SLC35F3: variants seen among roughly 807,000 people sequenced by gnomAD.
SLC35F3 encodes the protein solute carrier family 35 member F3.
In SLC35F3, 25 loss-of-function variants were observed where a neutral mutation model predicts 49.9. That is an observed-to-expected ratio of 0.50 (90% confidence interval 0.37 to 0.70). SLC35F3 has a LOEUF of 0.70. Ranked by LOEUF, SLC35F3 falls within the 30% of genes least tolerant of loss-of-function variation. SLC35F3 has a pLI of 0.00. For synonymous variants in SLC35F3, 275 were observed against 265.4 expected, an observed-to-expected ratio of 1.04 and a Z score of -0.35; for missense variants, 525 against 639.8, an observed-to-expected ratio of 0.82 and a Z score of 1.94.
intron 2 of SLC35F3, among the ~76,000 whole-genome samples, chr1:234,139,166 C>T (rs765766700): frequency 2.0e-5 from 3 of 152,158 alleles, no homozygotes; most frequent in Non-Finnish European, 4.4e-5. Context: ...CTATATGATT[C>T]CCAAAGTGGC....
At chr1:234,206,439 G>A in intron 2 of SLC35F3, among the ~76,000 whole-genome samples, 1 of 146,818 alleles carries the variant, frequency 6.8e-6, no homozygotes, top group Non-Finnish European at 1.5e-5. Context: ...TTTGAGTCAT[G>A]GCAGGACTTT....
At chr1:234,301,421 C>T (rs1278880832) in intron 3 of SLC35F3, among the ~76,000 whole-genome samples, 1 of 152,054 alleles carries the variant, frequency 6.6e-6, no homozygotes, top group African/African-American at 2.4e-5. Context: ...TTTACACGGC[C>T]AACAAACATA....
chr1:234,243,062 T>G (rs1667578383), intron 3 of SLC35F3, among the ~76,000 whole-genome samples: 1 of 152,068 alleles, frequency 6.6e-6, no homozygotes, highest in Non-Finnish European at 1.5e-5. Context: ...GTTAAAAGTG[T>G]TTTGTTTTGG....
In SLC35F3 at chr1:234,018,867, G is replaced by A. The variant is rs545204285; in HGVS notation, c.283+113109G>A. On this transcript the variant is annotated intron_variant, in intron 2 of 7. Transcript: ENST00000366618. ...TTTGTTTAAGCATCTATTTTCTTTCGCTCTAATATAATTTTTTGGTTGGGT... is the reference window on the plus strand; with the variant it reads ...TTTGTTTAAGCATCTATTTTCTTTCACTCTAATATAATTTTTTGGTTGGGT... 7.9e-5 allele frequency among the ~76,000 whole-genome samples: 12 copies of A among 152,208 alleles called. No homozygotes were observed. In the South Asian group the frequency reaches 1.0e-3, roughly 13 times the overall value.
chr1:234,202,877 A>G (rs1666919212), intron 2 of SLC35F3, among the ~76,000 whole-genome samples: 1 of 152,276 alleles, frequency 6.6e-6, no homozygotes, highest in African/African-American at 2.4e-5. Flanking sequence ...AGACAGAAGC[A>G]TCCTAAAGAA....
intron 2 of SLC35F3, among the ~76,000 whole-genome samples, chr1:233,951,452 TA>T (rs915219391): frequency 5.3e-5 from 8 of 150,154 alleles, no homozygotes; most frequent in South Asian, 2.1e-4. Flanking sequence ...TACCTTTCTT[TA>T]AAAAAAAAAT....
chr1:234,024,379 A>C (rs1663945179), intron 2 of SLC35F3, among the ~76,000 whole-genome samples: 1 of 152,216 alleles, frequency 6.6e-6, no homozygotes, highest in Admixed American at 6.5e-5. Flanking sequence ...AACTTCACCC[A>C]GTGGAGGTGT....
At chr1:234,142,047 C>T (rs1213132749) in intron 2 of SLC35F3, among the ~76,000 whole-genome samples, 1 of 152,122 alleles carries the variant, frequency 6.6e-6, no homozygotes, top group East Asian at 1.9e-4. Flanking sequence ...ATGGTAGCCC[C>T]TTGGTAAATA....
intron 2 of SLC35F3, among the ~76,000 whole-genome samples, chr1:234,188,226 A>C (rs933726475): frequency 2.0e-5 from 3 of 148,554 alleles, no homozygotes; most frequent in African/African-American, 7.8e-5. Flanking sequence ...AACAAGAGCG[A>C]AACTCCGCCT....
At position 234,231,287 on chromosome 1, in the gene SLC35F3, C is replaced by G. The variant is rs1572105618; in HGVS notation, c.284-130C>G. On this transcript the variant is annotated intron_variant, in intron 2 of 7. Coordinates refer to ENST00000366618, the MANE Select transcript of SLC35F3 (RefSeq NM_173508.4). This position sits in a 1 kb window ranked among gnomAD's most constrained non-coding sequence, Gnocchi z 5.4. ...TGCTGTCACACAGCCGCCCTGGAAG[C>G]CGCCCCTGCACCCGCTATCTCCCCG... 1.4e-5 allele frequency: 10 copies of G among 733,586 alleles called. No individual in the cohort carries two copies. The East Asian group carries it at 2.5e-4, about 19-fold the overall frequency. The allele number at this position is 733,586 out of a possible 1,614,324, so 45.4% of individuals were successfully genotyped here.
intron 2 of SLC35F3, among the ~76,000 whole-genome samples, chr1:234,199,835 T>TGAAC (rs1666875363): frequency 6.6e-6 from 1 of 152,168 alleles, no homozygotes; most frequent in Non-Finnish European, 1.5e-5. Flanking sequence ...GCAAAGGACC[T>TGAAC]GAACAGGCAT....
At chr1:234,038,355 G>T (rs1165003319) in intron 2 of SLC35F3, among the ~76,000 whole-genome samples, 4 of 150,000 alleles carry the variant, frequency 2.7e-5, no homozygotes, top group Non-Finnish European at 5.9e-5. Flanking sequence ...TCTTAATCCA[G>T]TCTATCATTG....
chr1:234,025,065 G>A (rs1484432279), intron 2 of SLC35F3, among the ~76,000 whole-genome samples: 1 of 152,192 alleles, frequency 6.6e-6, no homozygotes, highest in Non-Finnish European at 1.5e-5. Context: ...AGGAGAACAT[G>A]TGGTATTTGA....
At chr1:233,912,625 T>C (rs1038189035) in intron 2 of SLC35F3, among the ~76,000 whole-genome samples, 1 of 152,218 alleles carries the variant, frequency 6.6e-6, no homozygotes, top group South Asian at 2.1e-4. Context: ...CAGTGGATAC[T>C]GTGGATAGTA....
chr1:234,142,211 C>G (rs1476041539), intron 2 of SLC35F3, among the ~76,000 whole-genome samples: 1 of 152,176 alleles, frequency 6.6e-6, no homozygotes, highest in Non-Finnish European at 1.5e-5. Flanking sequence ...CACTTCTGTT[C>G]TTGCAGAATT....
At chr1:233,990,819 A>G (rs1663343414) in intron 2 of SLC35F3, among the ~76,000 whole-genome samples, 1 of 152,244 alleles carries the variant, frequency 6.6e-6, no homozygotes, top group Admixed American at 6.5e-5. Flanking sequence ...CAATATGTGT[A>G]AACTGTTTAA....
chr1:234,102,024 A>C (rs1199337841), intron 2 of SLC35F3, among the ~76,000 whole-genome samples: 1 of 152,228 alleles, frequency 6.6e-6, no homozygotes, highest in Non-Finnish European at 1.5e-5. Flanking sequence ...GTACCACTGC[A>C]GGAGCACAGG....
intron 2 of SLC35F3, among the ~76,000 whole-genome samples, chr1:234,199,081 G>T (rs1416721839): frequency 6.6e-6 from 1 of 151,038 alleles, no homozygotes; most frequent in East Asian, 2.0e-4. Flanking sequence ...ATTAAAAACT[G>T]GCCAGTTATG....
chr1:234,260,159 A>G (rs1274835336), intron 3 of SLC35F3, among the ~76,000 whole-genome samples: 3 of 152,110 alleles, frequency 2.0e-5, no homozygotes, highest in African/African-American at 7.2e-5. Context: ...TGTACATCAC[A>G]CTCCTTAGTA....
Sources: gnomAD v4.1 joint callset for allele counts (sites outside exome capture counted in the v4.1 genomes callset) on GRCh38, gnomAD v4.1.1 for gene constraint, Gnocchi (gnomAD v3.1) non-coding constraint, MANE v1.5 for transcripts, NCBI Gene and HGNC (gene_info 2026-07-23, HGNC 2026-07-21) for gene names.